FAF1: variants seen among roughly 807,000 people sequenced by gnomAD.
FAF1 encodes the protein Fas associated factor 1.
Under a neutral mutation model 92.5 loss-of-function variants are expected in FAF1, and 25 were observed. The observed-to-expected ratio is 0.27, with a 90% confidence interval of 0.20 to 0.38. The LOEUF is 0.38. FAF1 is among the 10% of genes least tolerant of loss of function. The pLI is 1.00. For synonymous variants in FAF1, 234 were observed against 273.2 expected (o/e 0.86, Z 1.42); for missense variants, 636 against 793.3 (o/e 0.80, Z 2.38).
At chr1:50,910,060 T>C (rs536417160) in intron 1 of FAF1, among the ~76,000 whole-genome samples, 1 of 152,328 alleles carries the variant, frequency 6.6e-6, no homozygotes, top group East Asian at 1.9e-4. Flanking sequence ...GACGGGGTTT[T>C]GGTGTGGATG....
chr1:50,617,693 G>A (rs896092629), intron 8 of FAF1, among the ~76,000 whole-genome samples: 7 of 119,214 alleles, frequency 5.9e-5, no homozygotes, highest in Admixed American at 2.6e-4. Context: ...CTCCTCTTCT[G>A]TTTTTTTTTT....
At chr1:50,704,182 A>C (rs897940471) in intron 7 of FAF1, among the ~76,000 whole-genome samples, 1 of 152,168 alleles carries the variant, frequency 6.6e-6, no homozygotes, top group African/African-American at 2.4e-5. Context: ...GCTAATTTGA[A>C]AACACTGAAT....
At chr1:50,491,691 T>G in intron 16 of FAF1, 30 bp downstream of exon 16, 1 of 1,517,684 alleles carries the variant, frequency 6.6e-7, no homozygotes. Context: ...AATTGAGTTC[T>G]TTATCCCAGA....
chr1:50,458,231 T>C (rs1475452446), intron 18 of FAF1, among the ~76,000 whole-genome samples: 1 of 152,032 alleles, frequency 6.6e-6, no homozygotes, highest in African/African-American at 2.4e-5. Flanking sequence ...TAATAATAAT[T>C]TTGAAAAGGT....
intron 8 of FAF1, among the ~76,000 whole-genome samples, chr1:50,628,747 T>C (rs1653623498): frequency 6.6e-6 from 1 of 152,186 alleles, no homozygotes; most frequent in South Asian, 2.1e-4. Flanking sequence ...TCACATTCCA[T>C]AAAAATGGAA....
chr1:50,511,294 G>A (rs915968271), intron 15 of FAF1, among the ~76,000 whole-genome samples: 1 of 150,586 alleles, frequency 6.6e-6, no homozygotes, highest in African/African-American at 2.4e-5. Context: ...TGTGTAGAAC[G>A]TGCAGGTTTG....
At chr1:50,718,182 T>TA (rs1256087614) in intron 6 of FAF1, among the ~76,000 whole-genome samples, 1 of 151,992 alleles carries the variant, frequency 6.6e-6, no homozygotes, top group Non-Finnish European at 1.5e-5. Context: ...TAGCTGGGAT[T>TA]ACCACGCTCA....
intron 1 of FAF1, among the ~76,000 whole-genome samples, chr1:50,957,891 A>G (rs1382184130): frequency 6.6e-6 from 1 of 152,258 alleles, no homozygotes; most frequent in East Asian, 1.9e-4. Flanking sequence ...CAATTTTGTA[A>G]CACGGTAAAA....
chr1:50,936,108 C>T (rs900783745), intron 1 of FAF1, among the ~76,000 whole-genome samples: 1 of 152,184 alleles, frequency 6.6e-6, no homozygotes, highest in Non-Finnish European at 1.5e-5. Context: ...TTTCAACAAG[C>T]TCAAAATTAA....
At chr1:50,701,972 T>G (rs1288549746) in intron 7 of FAF1, among the ~76,000 whole-genome samples, 2 of 152,228 alleles carry the variant, frequency 1.3e-5, no homozygotes, top group African/African-American at 4.8e-5. Context: ...CTTCTTGTTG[T>G]AACAGATAAG....
At chr1:50,531,262 A>C (rs1424199238) in intron 15 of FAF1, among the ~76,000 whole-genome samples, 1 of 152,188 alleles carries the variant, frequency 6.6e-6, no homozygotes, top group African/African-American at 2.4e-5. Flanking sequence ...ATACAAGTTA[A>C]TCAGAGAGGT....
At position 50,959,838 on chromosome 1, in the gene FAF1, G is replaced by C; in HGVS notation, c.-27C>G. 2 of 1,534,966 alleles carry C rather than the reference G, an allele frequency of 1.3e-6. No individual in the cohort carries two copies. The highest frequency in any genetic ancestry group is 1.8e-6 in the Non-Finnish European group (2 of 1,136,038). On this transcript the variant is annotated 5_prime_UTR_variant, in exon 1 of 19. Transcript: ENST00000396153. ...GCGGCCGCCGAGTTCCGCGGCTCCG[G>C]GAGCGAAGCGCGCACCTGGGAGGCA...
At chr1:50,500,826 A>C (rs1473905736) in intron 15 of FAF1, among the ~76,000 whole-genome samples, 1 of 152,188 alleles carries the variant, frequency 6.6e-6, no homozygotes, top group Non-Finnish European at 1.5e-5. Flanking sequence ...AATGTGAGGT[A>C]TGTAGAAGAC....
chr1:50,695,799 C>T (rs1046227840), intron 7 of FAF1, among the ~76,000 whole-genome samples: 4 of 152,102 alleles, frequency 2.6e-5, no homozygotes, highest in East Asian at 1.9e-4. Flanking sequence ...CAGGAACCCA[C>T]GACCACACCT....
At chr1:50,879,350 G>GT (rs1644594023) in intron 1 of FAF1, among the ~76,000 whole-genome samples, 1 of 152,150 alleles carries the variant, frequency 6.6e-6, no homozygotes, top group Non-Finnish European at 1.5e-5. Flanking sequence ...ATGGAATTTG[G>GT]TAACTGTTCT....
intron 17 of FAF1, 23 bp from the exon 18 acceptor site, chr1:50,475,702 G>A: frequency 1.9e-6 from 3 of 1,551,756 alleles, no homozygotes; most frequent in African/African-American, 1.4e-5. Context: ...AAAACCAGGT[G>A]TTAAAATGTG....
At chr1:50,724,119 G>C (rs1256693277) in intron 6 of FAF1, among the ~76,000 whole-genome samples, 1 of 151,762 alleles carries the variant, frequency 6.6e-6, no homozygotes, top group Non-Finnish European at 1.5e-5. Flanking sequence ...GTTAGTCCCA[G>C]CCACTTGGGA....
intron 1 of FAF1, among the ~76,000 whole-genome samples, chr1:50,939,695 TC>T (rs1363141391): frequency 2.0e-5 from 3 of 152,210 alleles, no homozygotes; most frequent in Non-Finnish European, 4.4e-5. Flanking sequence ...CAAGGTATGT[TC>T]CTTCCATGCC....
intron 12 of FAF1, among the ~76,000 whole-genome samples, chr1:50,572,037 T>C (rs1406758497): frequency 6.6e-6 from 1 of 152,214 alleles, no homozygotes; most frequent in African/African-American, 2.4e-5. Context: ...CTTGTGTAAA[T>C]TGGACCTGAC....
Sources: gnomAD v4.1 joint callset for allele counts (sites outside exome capture counted in the v4.1 genomes callset) on GRCh38, gnomAD v4.1.1 for gene constraint, MANE v1.5 for transcripts, NCBI Gene and HGNC (gene_info 2026-07-23, HGNC 2026-07-21) for gene names.